Variants in OR4N2 observed in about 807,000 individuals in gnomAD.
OR4N2 encodes olfactory receptor family 4 subfamily N member 2, also known as olfactory receptor 4N2.
For synonymous variants in OR4N2, 141 were observed against 140.4 expected, an observed-to-expected ratio of 1.00 and a Z score of -0.03; for missense variants, 307 against 377.6, an observed-to-expected ratio of 0.81 and a Z score of 1.55.
At chr14:19,812,854 A>C (rs4411436) in intron 1 of OR4N2, among the ~76,000 whole-genome samples, 27 of 152,362 alleles carry the variant, frequency 1.8e-4, no homozygotes, top group African/African-American at 6.5e-4. Context: ...AAAAATGAAT[A>C]AATTCAGAGA....
chr14:19,825,926 C>A (rs10151499), intron 1 of OR4N2, among the ~76,000 whole-genome samples: 41,960 of 148,870 alleles, frequency 0.28, 2,918 homozygotes, highest in African/African-American at 0.32. Context: ...TTTTATATTA[C>A]AGTTTGTATT....
intron 1 of OR4N2, among the ~76,000 whole-genome samples, chr14:19,820,515 G>A (rs1329890857): frequency 1.3e-5 from 2 of 152,246 alleles, no homozygotes; most frequent in African/African-American, 2.4e-5. Context: ...TAAGTCTGCT[G>A]AAGCTGTGCC....
intron 1 of OR4N2, among the ~76,000 whole-genome samples, chr14:19,816,990 A>G (rs2138471594): frequency 1.3e-5 from 2 of 152,360 alleles, no homozygotes; most frequent in South Asian, 2.1e-4. Flanking sequence ...GTGATGGATT[A>G]TGTTTACTGA....
At chr14:19,809,484 G>A (rs1879244605) in intron 1 of OR4N2, among the ~76,000 whole-genome samples, 1 of 152,108 alleles carries the variant, frequency 6.6e-6, no homozygotes, top group African/African-American at 2.4e-5. Flanking sequence ...AAACTATAAG[G>A]AACTTAAACA....
At chr14:19,807,753 G>A (rs1172920769) in intron 1 of OR4N2, among the ~76,000 whole-genome samples, 1 of 152,130 alleles carries the variant, frequency 6.6e-6, no homozygotes, top group Non-Finnish European at 1.5e-5. Flanking sequence ...GTATCATCCT[G>A]ATACCAAAAC....
At chr14:19,812,517 T>C (rs1247412607) in intron 1 of OR4N2, among the ~76,000 whole-genome samples, 2 of 152,036 alleles carry the variant, frequency 1.3e-5, no homozygotes, top group African/African-American at 2.4e-5. Context: ...TGTTTGTTTG[T>C]TTGTTTGTTT....
chr14:19,804,222 T>C (rs1331405217), intron 1 of OR4N2, among the ~76,000 whole-genome samples: 1 of 152,244 alleles, frequency 6.6e-6, no homozygotes, highest in African/African-American at 2.4e-5. Context: ...ATTTCAGTTG[T>C]TTCCTTTATC....
In OR4N2 at chr14:19,828,951, GT is replaced by G. The variant is rs1879799400; in HGVS notation, c.*583del. Reference sequence around the variant, plus strand: ...CATACGGTCTACATAGTAAATATGAGTTTTCATTTTATTACAATTACAATAA... The same window carrying G: ...CATACGGTCTACATAGTAAATATGAGTTTCATTTTATTACAATTACAATAA... On this transcript the variant is annotated 3_prime_UTR_variant, in exon 2 of 2. Transcript: ENST00000557677. 1.3e-5 allele frequency: 2 copies of G among 153,682 alleles called. No homozygotes were observed. Among genetic ancestry groups the G allele is most frequent in the South Asian group, 4.0e-4 (2 of 4,964 alleles). 9.5% of individuals were successfully genotyped at this position (153,682 alleles called of 1,614,324 possible).
chr14:19,812,670 T>C (rs565982837), intron 1 of OR4N2, among the ~76,000 whole-genome samples: 1 of 152,360 alleles, frequency 6.6e-6, no homozygotes, highest in East Asian at 1.9e-4. Context: ...TTTTTGACTT[T>C]TTAATAATAG....
chr14:19,827,454 A>C lies in OR4N2; in HGVS notation c.6A>C (p.Glu2Asp). M[E>D]SENRTVIREF... ...ATGTACTGCAGGCCAGGGAAATGGA[A>C]AGCGAGAACAGAACAGTGATAAGAG... is the stretch of plus-strand genomic sequence containing the variant. Residue 2 changes from glutamate to aspartate, a missense_variant, in exon 2 of 2, where the codon GAA becomes GAC. Transcript: ENST00000557677. The C allele has an allele frequency of 6.3e-7, 1 of 1,579,792 alleles. No homozygotes were observed. Among genetic ancestry groups the C allele is most frequent in the Non-Finnish European group, 8.6e-7 (1 of 1,164,644 alleles).
At chr14:19,807,217 G>T (rs2318535) in intron 1 of OR4N2, among the ~76,000 whole-genome samples, 2 of 150,774 alleles carry the variant, frequency 1.3e-5, no homozygotes, top group Non-Finnish European at 3.0e-5. Flanking sequence ...CAGAATAACA[G>T]ATATAACTAC....
Position 19,827,718 on chromosome 14 carries a change from G to T in OR4N2, c.270G>T (p.Lys90Asn), listed in dbSNP as rs541551201. 13 of 1,614,132 alleles carry T rather than the reference G, an allele frequency of 8.1e-6. No individual in the cohort carries two copies. The East Asian group carries it at 8.9e-5, about 11-fold the overall frequency. Residue 90 changes from lysine (K) to asparagine (N), a missense_variant, in exon 2 of 2, where the codon AAG becomes AAT. Transcript: ENST00000557677. The part of the protein sequence containing the change: ...RMLVDFLSAK[K>N]IISYRGCITQ... The stretch of plus-strand genomic sequence containing the variant: ...TGGTGGACTTCCTCTCTGCGAAGAA[G>T]ATAATCTCCTACAGAGGCTGCATCA...
chr14:19,818,418 C>G (rs1026790001), intron 1 of OR4N2, among the ~76,000 whole-genome samples: 4 of 152,168 alleles, frequency 2.6e-5, no homozygotes, highest in African/African-American at 9.7e-5. Flanking sequence ...TTGCATTGAT[C>G]CCTTTACCAT....
intron 1 of OR4N2, among the ~76,000 whole-genome samples, chr14:19,806,940 C>G (rs1242645517): frequency 6.6e-6 from 1 of 152,052 alleles, no homozygotes; most frequent in Admixed American, 6.5e-5. Context: ...GGAAAGTAAA[C>G]AACTTGCTCC....
At chr14:19,806,936 T>C (rs1686566) in intron 1 of OR4N2, among the ~76,000 whole-genome samples, 12,274 of 149,658 alleles carry the variant, frequency 0.082, 106 homozygotes, top group East Asian at 0.18. Flanking sequence ...TCATGGAAAG[T>C]AAACAACTTG....
At chr14:19,807,022 C>G (rs1879180612) in intron 1 of OR4N2, among the ~76,000 whole-genome samples, 2 of 152,108 alleles carry the variant, frequency 1.3e-5, no homozygotes, top group Admixed American at 1.3e-4. Context: ...AACAGGGACA[C>G]AACTAACCAA....
intron 1 of OR4N2, among the ~76,000 whole-genome samples, chr14:19,806,794 A>G (rs1304717274): frequency 7.2e-5 from 11 of 152,216 alleles, no homozygotes; most frequent in African/African-American, 2.4e-5. Flanking sequence ...TTGTAAGATC[A>G]ACCACATGCT....
chr14:19,824,083 A>T (rs1284716852), intron 1 of OR4N2, among the ~76,000 whole-genome samples: 1 of 152,204 alleles, frequency 6.6e-6, no homozygotes, highest in African/African-American at 2.4e-5. Flanking sequence ...AATGGCAAGA[A>T]GGATTAGAGA....
chr14:19,825,775 T>C (rs1879681709), intron 1 of OR4N2, among the ~76,000 whole-genome samples: 3 of 152,096 alleles, frequency 2.0e-5, no homozygotes, highest in Admixed American at 2.0e-4. Flanking sequence ...AGCCAAGATG[T>C]TCTCGATCTC....
Sources: allele counts gnomAD v4.1 joint callset (sites outside exome capture counted in the v4.1 genomes callset), GRCh38; gene constraint gnomAD v4.1.1; transcripts MANE v1.5; gene names NCBI Gene and HGNC (gene_info 2026-07-23, HGNC 2026-07-21).